The following PDE3B variants were observed in gnomAD, a reference collection of about 807,000 sequenced individuals.
PDE3B encodes cGMP-inhibited 3',5'-cyclic phosphodiesterase 3B.
Under a neutral mutation model 116.8 loss-of-function variants are expected in PDE3B, and 66 were observed. That is an observed-to-expected ratio of 0.56 (90% CI 0.46 to 0.69). The LOEUF is 0.69. Among genes scored for constraint, PDE3B ranks in the 30% least tolerant of loss-of-function variants. The pLI, the probability that PDE3B is intolerant of heterozygous loss-of-function variation, is 0.00. For missense variants in PDE3B, 1,384 were observed against 1,368.1 expected (o/e 1.01, Z -0.18); for synonymous variants, 595 against 533.6 (o/e 1.12, Z -1.59).
intron 1 of PDE3B, among the ~76,000 whole-genome samples, chr11:14,744,458 TTC>T (rs1346830899): frequency 1.3e-5 from 2 of 152,222 alleles, no homozygotes; most frequent in African/African-American, 4.8e-5. Flanking sequence ...CTTCTTTACT[TTC>T]TTTCAGCAAT....
chr11:14,895,754 T>C, the PDE3B span, among the ~76,000 whole-genome samples: 2 of 152,204 alleles, frequency 1.3e-5, no homozygotes, highest in African/African-American at 4.8e-5. Flanking sequence ...ATGATACTAA[T>C]TGAACATTCC....
At chr11:14,845,367 G>A (rs1171359837) in intron 12 of PDE3B, among the ~76,000 whole-genome samples, 2 of 152,048 alleles carry the variant, frequency 1.3e-5, no homozygotes, top group Admixed American at 1.3e-4. Context: ...ACCAAAAGTA[G>A]ATAAAACCAC....
chr11:14,890,713 AT>A, the PDE3B span, among the ~76,000 whole-genome samples: 1 of 151,498 alleles, frequency 6.6e-6, no homozygotes, highest in Non-Finnish European at 1.5e-5. Flanking sequence ...CGCCCGGCTA[AT>A]TTTTTGTATT....
At position 14,643,940 on chromosome 11, in the gene PDE3B, G is replaced by T. The variant is rs543637510; in HGVS notation, c.-136G>T. The T allele has an allele frequency of 5.4e-6, 7 of 1,285,230 alleles. No individual in the cohort carries two copies. In the African/African-American group the frequency reaches 6.3e-5, roughly 12 times the overall value. The allele number at this position is 1,285,230 out of a possible 1,614,324, so 79.6% of individuals were successfully genotyped here. A position where few individuals can be genotyped will look rare whatever the true frequency, so the allele number is the denominator to read the frequency against. The stretch of plus-strand genomic sequence containing the variant: ...GTCCGCGCGGTGGGGACCCCGGGCC[G>T]TGGCGGCCGGCGCAGCCCTGACGGG... On this transcript the variant is annotated 5_prime_UTR_variant, in exon 1 of 16. Transcript: ENST00000282096.
At position 14,870,370 on chromosome 11, in the gene PDE3B, GTCTTA is replaced by G. The variant is rs1200852924; in HGVS notation, c.*717_*721del. 1.3e-5 allele frequency: 2 copies of G among 152,600 alleles called. No homozygotes were observed. Among genetic ancestry groups the G allele is most frequent in the Admixed American group, 1.3e-4 (2 of 15,266 alleles). The allele number at this position is 152,600 out of a possible 1,614,324, so 9.5% of individuals were successfully genotyped here. ...ATGGACATCAGAAGTTTGAATTCCA[GTCTTA>G]TCTTATGTTCCATGGCTGAATTTTA... On this transcript the variant is annotated 3_prime_UTR_variant, in exon 16 of 16. Coordinates refer to ENST00000282096, the MANE Select transcript of PDE3B (RefSeq NM_000922.4). The surrounding 1 kb of genome is among the most constrained non-coding windows in gnomAD (Gnocchi z 4.1).
intron 9 of PDE3B, 118 bp downstream of exon 9, chr11:14,831,895 T>A (rs1270556124): frequency 4.9e-6 from 3 of 606,502 alleles, no homozygotes; most frequent in Non-Finnish European, 8.4e-6. Context: ...TTGTTCATTA[T>A]TTTTTTCAGA....
intron 1 of PDE3B, among the ~76,000 whole-genome samples, chr11:14,679,186 T>C (rs2133791687): frequency 6.6e-6 from 1 of 152,338 alleles, no homozygotes; most frequent in Non-Finnish European, 1.5e-5. Flanking sequence ...TTATCTTTTT[T>C]TTTTCAATAT....
chr11:14,881,789 G>A, the PDE3B span, among the ~76,000 whole-genome samples: 13 of 152,072 alleles, frequency 8.5e-5, no homozygotes, highest in Non-Finnish European at 4.4e-5. Context: ...AGAAGCAGAT[G>A]GCCTCAACAG....
intron 1 of PDE3B, among the ~76,000 whole-genome samples, chr11:14,709,465 A>G (rs1282130127): frequency 6.6e-6 from 1 of 152,148 alleles, no homozygotes. Context: ...TTTGCCTGTA[A>G]CCTGGGGGCA....
intron 1 of PDE3B, among the ~76,000 whole-genome samples, chr11:14,706,692 T>C (rs758469416): frequency 6.6e-6 from 1 of 151,954 alleles, no homozygotes; most frequent in Admixed American, 6.6e-5. Context: ...AGATGTGCAT[T>C]ATAAATTTTA....
Position 14,644,304 on chromosome 11 carries a change from C to T in PDE3B, c.229C>T (p.Arg77Trp). ...QQPRRCSPFC[R>W]ARLSLGALAA... ...GCCGCGGCGCTGCTCCCCCTTCTGC[C>T]GGGCGCGCCTCTCGCTGGGCGCCCT... The change falls in exon 1 of 16, where the codon CGG becomes TGG. Residue 77 changes from arginine to tryptophan, a missense_variant. Coordinates refer to ENST00000282096, the MANE Select transcript of PDE3B (RefSeq NM_000922.4). 6.4e-7 allele frequency: 1 copy of T among 1,564,452 alleles called. No individual in the cohort carries two copies. The highest frequency in any genetic ancestry group is 1.2e-5 in the South Asian group (1 of 86,530).
Position 14,786,666 on chromosome 11 carries a change from G to A in PDE3B, c.1259G>A (p.Gly420Glu), listed in dbSNP as rs775710286. The A allele has an allele frequency of 1.2e-6, 2 of 1,611,192 alleles. No individual in the cohort carries two copies. The highest frequency in any genetic ancestry group is 1.7e-6 in the Non-Finnish European group (2 of 1,177,788). ...CSEIEDPAEKGDRKLNKGLNR... is the reference protein window; with the variant it reads ...CSEIEDPAEKEDRKLNKGLNR... ...GAAATAGAGGACCCAGCTGAGAAAGGGGATAGAAAACTTAACAAGGTCGAA... is the reference window on the plus strand; with the variant it reads ...GAAATAGAGGACCCAGCTGAGAAAGAGGATAGAAAACTTAACAAGGTCGAA... Residue 420 changes from glycine to glutamate, a missense_variant, in exon 3 of 16, where the codon GGG (glycine) becomes GAG (glutamate). Physicochemically the swap from Gly to Glu is moderately conservative, Grantham distance 98. Transcript: ENST00000282096.
chr11:14,732,964 G>A (rs1276704754), intron 1 of PDE3B, among the ~76,000 whole-genome samples: 2 of 152,130 alleles, frequency 1.3e-5, no homozygotes, highest in East Asian at 3.8e-4. Flanking sequence ...TACACCTAAT[G>A]AGATTGCTAT....
At chr11:14,682,512 A>G (rs1854741458) in intron 1 of PDE3B, among the ~76,000 whole-genome samples, 1 of 152,022 alleles carries the variant, frequency 6.6e-6, no homozygotes, top group Admixed American at 6.6e-5. Flanking sequence ...TTCAGTTCTT[A>G]GTTTGCTGAG....
chr11:14,726,863 G>T (rs1405802418), intron 1 of PDE3B, among the ~76,000 whole-genome samples: 3 of 152,136 alleles, frequency 2.0e-5, no homozygotes, highest in African/African-American at 7.2e-5. Flanking sequence ...AGACTCCTTT[G>T]AGAAGTCTTG....
intron 1 of PDE3B, among the ~76,000 whole-genome samples, chr11:14,660,601 G>A (rs919405229): frequency 6.6e-6 from 1 of 151,790 alleles, no homozygotes; most frequent in Non-Finnish European, 1.5e-5. Context: ...ACTATTCCTG[G>A]CCCCTTCTAA....
At chr11:14,682,625 T>C (rs990025354) in intron 1 of PDE3B, among the ~76,000 whole-genome samples, 2 of 152,182 alleles carry the variant, frequency 1.3e-5, no homozygotes, top group African/African-American at 4.8e-5. Flanking sequence ...TGGATTATAT[T>C]GGTCAATTTA....
At position 14,645,000 on chromosome 11, in the gene PDE3B, G is replaced by T; in HGVS notation, c.925G>T (p.Gly309Cys). 1.2e-6 allele frequency: 2 copies of T among 1,613,544 alleles called. No homozygotes were observed. Among genetic ancestry groups the T allele is most frequent in the Non-Finnish European group, 1.7e-6 (2 of 1,179,912 alleles). Reference protein sequence around the residue: ...SLGETAASYYGSCKIFRRPSL... With the variant: ...SLGETAASYYCSCKIFRRPSL... ...AGGAGAAACTGCAGCCAGTTACTAT[G>T]GCAGTTGCAAAATATTCAGGAGACC... is the stretch of plus-strand genomic sequence containing the variant. Residue 309 changes from glycine (G) to cysteine (C), a missense_variant, in exon 1 of 16, where the codon GGC (glycine) becomes TGC (cysteine). This residue lies in a region of PDE3B where 956 missense variants were observed against 806.8 expected (regional missense o/e 1.18). Coordinates refer to ENST00000282096, the MANE Select transcript of PDE3B (RefSeq NM_000922.4).
the PDE3B span, chr11:14,879,047 G>T: frequency 7.9e-7 from 1 of 1,263,268 alleles, no homozygotes. Context: ...TTCAGATTAA[G>T]ATGCTGTATC....
Sources: gnomAD v4.1 joint callset for allele counts (sites outside exome capture counted in the v4.1 genomes callset) on GRCh38, gnomAD v4.1.1 for gene constraint, gnomAD v4.1.1 regional missense constraint, Gnocchi (gnomAD v3.1) non-coding constraint, MANE v1.5 for transcripts, NCBI Gene and HGNC (gene_info 2026-07-23, HGNC 2026-07-21) for gene names.